Variants in MAOB observed in about 807,000 individuals in gnomAD.
MAOB encodes the protein amine oxidase [flavin-containing] B.
In MAOB, 15 loss-of-function variants were observed where a neutral mutation model predicts 41.9. That is an observed-to-expected ratio of 0.36 (90% CI 0.24 to 0.55). The LOEUF is 0.55. MAOB is among the 20% of genes least tolerant of loss of function. The pLI is 0.86. For missense variants in MAOB, 345 were observed against 398.7 expected (o/e 0.87, Z 1.15); for synonymous variants, 167 against 144.2 (o/e 1.16, Z -1.13).
intron 8 of MAOB, among the ~76,000 whole-genome samples, chrX:43,784,324 C>T (rs1042937836): frequency 3.6e-4 from 41 of 112,356 alleles, no homozygotes; most frequent in African/African-American, 1.1e-3. Flanking sequence ...GACTGTAAGG[C>T]AGGTATAGCT....
intron 3 of MAOB, among the ~76,000 whole-genome samples, chrX:43,817,134 TC>T (rs1490542828): frequency 5.7e-4 from 61 of 107,568 alleles, no homozygotes; most frequent in African/African-American, 2.0e-3. Context: ...TTCTTCTTCT[TC>T]TTTTCTCTCT....
chrX:43,806,070 G>A (rs1277635704), intron 3 of MAOB, among the ~76,000 whole-genome samples: 1 of 112,411 alleles, frequency 8.9e-6, no homozygotes, highest in Non-Finnish European at 1.9e-5. Flanking sequence ...TGCAAAGATA[G>A]TACAGAAAGT....
At chrX:43,865,396 G>A (rs2035358573) in intron 1 of MAOB, among the ~76,000 whole-genome samples, 1 of 111,778 alleles carries the variant, frequency 8.9e-6, no homozygotes, top group Non-Finnish European at 1.9e-5. Context: ...AGGAGCTGAG[G>A]GACTGACGGT....
intron 1 of MAOB, among the ~76,000 whole-genome samples, chrX:43,854,834 A>G (rs2035277934): frequency 8.9e-6 from 1 of 112,085 alleles, no homozygotes; most frequent in African/African-American, 3.2e-5. Context: ...GCATCAAAAA[A>G]TCAGCCATTG....
chrX:43,881,375 G>T (rs1016440640), intron 1 of MAOB, among the ~76,000 whole-genome samples: 2 of 113,184 alleles, frequency 1.8e-5, no homozygotes, highest in African/African-American at 6.4e-5. Context: ...ACTAGGCAGC[G>T]TTAGGAGGTG....
At chrX:43,778,490 C>A (rs1187732026) in intron 11 of MAOB, among the ~76,000 whole-genome samples, 192 bp downstream of exon 11, 1 of 111,889 alleles carries the variant, frequency 8.9e-6, no homozygotes, top group Non-Finnish European at 1.9e-5. Context: ...CCCTGACCTG[C>A]CACCAGCACA....
intron 2 of MAOB, among the ~76,000 whole-genome samples, chrX:43,841,727 C>A (rs2035139545): frequency 8.9e-6 from 1 of 111,791 alleles, no homozygotes; most frequent in Non-Finnish European, 1.9e-5. Flanking sequence ...ACCAATAGAA[C>A]AGGATAGAAA....
rs1276371033 is a variant in MAOB at position 43,767,471 on chromosome X, C to T, written c.1558G>A (p.Val520Ile). 7 of 1,207,064 alleles carry T rather than the reference C, an allele frequency of 5.8e-6. No homozygotes were observed. The highest frequency in any genetic ancestry group is 3.5e-5 in the South Asian group (2 of 56,339). The change falls in exon 15 of 15, where the codon GTC (valine) becomes ATC (isoleucine). Residue 520 changes from valine (V) to isoleucine (I), a missense_variant. Val to Ile is a conservative substitution (Grantham distance 29). Transcript: ENST00000378069. ...LAHKRGLLVR[V>I] ...ATTACAGACACCCTCTCTCTTTAGA[C>T]TCTCACAAGTAGCCCCCTTTTGTGG...
At chrX:43,810,229 C>G (rs770125335) in intron 3 of MAOB, among the ~76,000 whole-genome samples, 1 of 61,407 alleles carries the variant, frequency 1.6e-5, no homozygotes, top group East Asian at 5.0e-4. Flanking sequence ...GGCGACAGAG[C>G]GAGACTCTGT....
At chrX:43,846,899 G>A (rs1449234859) in intron 1 of MAOB, among the ~76,000 whole-genome samples, 1 of 111,680 alleles carries the variant, frequency 9.0e-6, no homozygotes, top group African/African-American at 3.3e-5. Context: ...TGGGAAGTAT[G>A]AAAATTTTTG....
intron 8 of MAOB, among the ~76,000 whole-genome samples, chrX:43,788,914 T>C (rs1466480295): frequency 9.0e-6 from 1 of 111,173 alleles, no homozygotes; most frequent in Non-Finnish European, 1.9e-5. Flanking sequence ...ATATTTAAAG[T>C]ACAGGTTGAG....
intron 1 of MAOB, among the ~76,000 whole-genome samples, chrX:43,881,854 C>G (rs886122326): frequency 1.8e-5 from 2 of 112,276 alleles, no homozygotes; most frequent in African/African-American, 6.5e-5. Flanking sequence ...GACAACAATA[C>G]GATGTGGTGC....
chrX:43,784,227 C>T (rs955445481), intron 8 of MAOB, among the ~76,000 whole-genome samples: 27 of 112,547 alleles, frequency 2.4e-4, no homozygotes, highest in Admixed American at 5.6e-4. Context: ...CCATGAATCA[C>T]GAATGTTTTT....
At chrX:43,816,727 G>A (rs2034818633) in intron 3 of MAOB, among the ~76,000 whole-genome samples, 1 of 111,965 alleles carries the variant, frequency 8.9e-6, no homozygotes, top group African/African-American at 3.3e-5. Flanking sequence ...ACTTGCTGTA[G>A]TGACTGACTT....
At chrX:43,799,769 T>G (rs2147137023) in intron 5 of MAOB, among the ~76,000 whole-genome samples, 1 of 111,659 alleles carries the variant, frequency 9.0e-6, no homozygotes, top group South Asian at 3.8e-4. Context: ...TTATATAAAA[T>G]TTGGAAAATT....
At chrX:43,823,062 A>C (rs1378573555) in intron 3 of MAOB, among the ~76,000 whole-genome samples, 1 of 110,909 alleles carries the variant, frequency 9.0e-6, no homozygotes, top group East Asian at 2.8e-4. Flanking sequence ...AGAGGTTAAG[A>C]AACTTGCCTC....
intron 3 of MAOB, among the ~76,000 whole-genome samples, chrX:43,816,731 C>A (rs1465560499): frequency 8.9e-6 from 1 of 111,852 alleles, no homozygotes; most frequent in Non-Finnish European, 1.9e-5. Flanking sequence ...GCTGTAGTGA[C>A]TGACTTCCTC....
At chrX:43,805,718 A>T in intron 3 of MAOB, among the ~76,000 whole-genome samples, 1 of 112,186 alleles carries the variant, frequency 8.9e-6, no homozygotes, top group Non-Finnish European at 1.9e-5. Context: ...CTGTGAACAA[A>T]ACTGCTATAA....
At chrX:43,824,632 G>A (rs181530806) in intron 3 of MAOB, among the ~76,000 whole-genome samples, 82 of 111,387 alleles carry the variant, frequency 7.4e-4, no homozygotes, top group African/African-American at 1.9e-3. Flanking sequence ...GCAGTGAGCC[G>A]AGATCACTCC....
Sources: allele counts gnomAD v4.1 joint callset (sites outside exome capture counted in the v4.1 genomes callset), GRCh38; gene constraint gnomAD v4.1.1; transcripts MANE v1.5; gene names NCBI Gene and HGNC (gene_info 2026-07-23, HGNC 2026-07-21).